Variants in RBFOX1 observed in about 807,000 individuals in gnomAD.
RBFOX1 encodes the protein RNA binding fox-1 homolog 1, also known as RNA binding protein fox-1 homolog 1.
Under a neutral mutation model 57.7 loss-of-function variants are expected in RBFOX1, and 8 were observed. The observed-to-expected ratio is 0.14, with a 90% confidence interval of 0.08 to 0.25. The LOEUF is 0.25. RBFOX1 is among the 10% of genes least tolerant of loss of function. RBFOX1 has a pLI of 1.00. For synonymous variants in RBFOX1, 326 were observed against 222.4 expected (o/e 1.47, Z -4.15); for missense variants, 611 against 548.5 (o/e 1.11, Z -1.14).
At chr16:5,326,508 T>C (rs2064577181) in intron 1 of RBFOX1, among the ~76,000 whole-genome samples, 2 of 152,218 alleles carry the variant, frequency 1.3e-5, no homozygotes, top group African/African-American at 2.4e-5. Context: ...GCATTTCAGA[T>C]AGGCTGTGAC....
intron 4 of RBFOX1, among the ~76,000 whole-genome samples, chr16:7,411,439 C>T (rs1010199303): frequency 6.6e-5 from 10 of 152,298 alleles, no homozygotes; most frequent in Admixed American, 3.3e-4. Flanking sequence ...AGGGCCCTAA[C>T]AGACTTAGCA....
chr16:7,448,094 G>T (rs970931896), intron 4 of RBFOX1, among the ~76,000 whole-genome samples: 2 of 152,220 alleles, frequency 1.3e-5, no homozygotes, highest in Admixed American at 6.5e-5. Flanking sequence ...CTCTTAAGAT[G>T]CAGCATTTAC....
At chr16:6,774,434 G>A (rs1371776539) in intron 3 of RBFOX1, among the ~76,000 whole-genome samples, 2 of 152,080 alleles carry the variant, frequency 1.3e-5, no homozygotes, top group Admixed American at 6.6e-5. Context: ...TAAATAATAG[G>A]TTCCAGAAGC....
intron 3 of RBFOX1, among the ~76,000 whole-genome samples, chr16:7,049,953 G>C (rs1027342831): frequency 6.6e-6 from 1 of 152,146 alleles, no homozygotes; most frequent in East Asian, 1.9e-4. Context: ...TATCCAGTTT[G>C]AGAACATTTT....
At chr16:5,594,858 G>A (rs2047129223) in intron 2 of RBFOX1, among the ~76,000 whole-genome samples, 1 of 151,380 alleles carries the variant, frequency 6.6e-6, no homozygotes, top group African/African-American at 2.4e-5. Flanking sequence ...GTGGCTGAAT[G>A]TGGTGGCTCA....
At chr16:5,667,862 G>T (rs2049895290) in intron 3 of RBFOX1, among the ~76,000 whole-genome samples, 1 of 152,152 alleles carries the variant, frequency 6.6e-6, no homozygotes, top group Admixed American at 6.5e-5. Context: ...AGTGAAGTGG[G>T]GATGAGCTTA....
At chr16:5,640,367 A>T (rs2048818973) in intron 3 of RBFOX1, among the ~76,000 whole-genome samples, 1 of 152,100 alleles carries the variant, frequency 6.6e-6, no homozygotes, top group African/African-American at 2.4e-5. Context: ...GCATGTATGC[A>T]CATGTACATC....
At chr16:6,417,239 T>G (rs2093648559) in intron 2 of RBFOX1, among the ~76,000 whole-genome samples, 1 of 151,910 alleles carries the variant, frequency 6.6e-6, no homozygotes, top group African/African-American at 2.4e-5. Context: ...CTCGAACTCC[T>G]AACCTCATGA....
chr16:6,774,932 C>T (rs1004213329), intron 3 of RBFOX1, among the ~76,000 whole-genome samples: 1 of 151,968 alleles, frequency 6.6e-6, no homozygotes, highest in Non-Finnish European at 1.5e-5. Context: ...CCATATTGGA[C>T]AGTATACGTC....
intron 5 of RBFOX1, among the ~76,000 whole-genome samples, chr16:7,526,182 C>T (rs934028848): frequency 5.9e-5 from 9 of 152,134 alleles, no homozygotes; most frequent in African/African-American, 2.2e-4. Context: ...ATCTGAGGTG[C>T]AACCATTTCA....
At chr16:6,817,399 A>T (rs1260632138) in intron 3 of RBFOX1, among the ~76,000 whole-genome samples, 2 of 152,048 alleles carry the variant, frequency 1.3e-5, no homozygotes, top group African/African-American at 2.4e-5. Flanking sequence ...ATTCAGTTTT[A>T]AAATTAACTT....
chr16:6,244,691 G>A (rs918302512), intron 1 of RBFOX1, among the ~76,000 whole-genome samples: 1 of 152,066 alleles, frequency 6.6e-6, no homozygotes, highest in African/African-American at 2.4e-5. Context: ...TGTATTTTTA[G>A]TAGAGACGGG....
chr16:7,358,281 C>A (rs1259360488), intron 4 of RBFOX1, among the ~76,000 whole-genome samples: 1 of 152,164 alleles, frequency 6.6e-6, no homozygotes, highest in South Asian at 2.1e-4. Flanking sequence ...GGTGGCCGTG[C>A]CACCGAAAGG....
At chr16:7,630,015 G>A (rs1394406808) in intron 10 of RBFOX1, among the ~76,000 whole-genome samples, 1 of 152,202 alleles carries the variant, frequency 6.6e-6, no homozygotes, top group African/African-American at 2.4e-5. Context: ...CTGAAGAACT[G>A]ATTCGGAAAG....
At chr16:7,469,591 G>A (rs1389483924) in intron 4 of RBFOX1, among the ~76,000 whole-genome samples, 2 of 152,112 alleles carry the variant, frequency 1.3e-5, no homozygotes, top group Non-Finnish European at 2.9e-5. Flanking sequence ...GAAAAGTTGT[G>A]ATATAGCCCT....
chr16:6,004,898 A>G (rs900157662), intron 4 of RBFOX1, among the ~76,000 whole-genome samples: 1 of 152,204 alleles, frequency 6.6e-6, no homozygotes, highest in East Asian at 1.9e-4. Flanking sequence ...TTCTTAGTCA[A>G]GCGTGCAGTG....
chr16:6,616,329 C>G (rs868273316), intron 2 of RBFOX1, among the ~76,000 whole-genome samples: 8 of 151,986 alleles, frequency 5.3e-5, no homozygotes, highest in Middle Eastern at 3.4e-3. Flanking sequence ...GTAGAGAAAT[C>G]CACCCCCAAC....
intron 3 of RBFOX1, among the ~76,000 whole-genome samples, chr16:5,817,650 G>C (rs2055690258): frequency 6.6e-6 from 1 of 151,896 alleles, no homozygotes; most frequent in Non-Finnish European, 1.5e-5. Context: ...ATGAAGATGG[G>C]GCTGGAGATG....
chr16:6,890,754 A>T (rs1336194511), intron 3 of RBFOX1, among the ~76,000 whole-genome samples: 1 of 152,150 alleles, frequency 6.6e-6, no homozygotes, highest in Admixed American at 6.5e-5. Flanking sequence ...ATTCACTGTC[A>T]CCTTCTGATT....
Sources: gnomAD v4.1 joint callset for allele counts (sites outside exome capture counted in the v4.1 genomes callset) on GRCh38, gnomAD v4.1.1 for gene constraint, MANE v1.5 for transcripts, NCBI Gene and HGNC (gene_info 2026-07-23, HGNC 2026-07-21) for gene names.